SYBU: variants seen among roughly 807,000 people sequenced by gnomAD.
SYBU encodes the protein syntabulin.
Under a neutral mutation model 35.9 loss-of-function variants are expected in SYBU, and 21 were observed. The ratio of observed to expected loss-of-function variants is 0.58; its 90% CI spans 0.41 to 0.84. The LOEUF (loss-of-function observed/expected upper bound fraction) is 0.84. Ranked by LOEUF, SYBU falls within the 40% of genes least tolerant of loss-of-function variation. The probability of loss-of-function intolerance (pLI) is 0.00; values close to 1 mark genes in which losing one functional copy is unlikely to be tolerated. For synonymous variants in SYBU, 319 were observed against 324.3 expected (o/e 0.98, Z 0.18); for missense variants, 768 against 848.2 (o/e 0.91, Z 1.17).
upstream of SYBU, chr8:109,644,853 G>T: frequency 5.5e-6 from 3 of 547,964 alleles, no homozygotes; most frequent in Non-Finnish European, 9.1e-6. Flanking sequence ...ACCCCGCCCC[G>T]GCCGGACACG....
chr8:109,646,612 C>T (rs1042823157), upstream of SYBU: 7 of 152,176 alleles, frequency 4.6e-5, no homozygotes, highest in African/African-American at 1.7e-4. Flanking sequence ...ATGATTCATA[C>T]AACTTATTAT....
At chr8:109,616,471 T>A (rs1026221731) in intron 3 of SYBU, among the ~76,000 whole-genome samples, 65 of 152,144 alleles carry the variant, frequency 4.3e-4, no homozygotes, top group African/African-American at 1.4e-3. Flanking sequence ...TAACATATAA[T>A]TATTATGATT....
At chr8:109,644,840 CCG>C, upstream of SYBU, 1 of 592,792 alleles carries the variant, frequency 1.7e-6, no homozygotes, top group Non-Finnish European at 2.7e-6. Context: ...GAGGGCACGC[CCG>C]ACCCCGCCCC....
At chr8:109,690,477 G>A (rs1430629087) in intron 1 of SYBU, among the ~76,000 whole-genome samples, 2 of 152,172 alleles carry the variant, frequency 1.3e-5, no homozygotes, top group African/African-American at 4.8e-5. Flanking sequence ...TGTTATAGCT[G>A]CCCTTTGCTT....
At chr8:109,629,370 C>A (rs768592228) in intron 2 of SYBU, among the ~76,000 whole-genome samples, 1 of 152,222 alleles carries the variant, frequency 6.6e-6, no homozygotes, top group African/African-American at 2.4e-5. Context: ...AAACACAAAT[C>A]TTAACTAACT....
intron 5 of SYBU, among the ~76,000 whole-genome samples, chr8:109,578,836 AGTT>A (rs1822674752): frequency 6.6e-6 from 1 of 152,180 alleles, no homozygotes; most frequent in South Asian, 2.1e-4. Context: ...GCTGAATGCA[AGTT>A]GTTCTAAAAT....
intron 1 of SYBU, among the ~76,000 whole-genome samples, chr8:109,679,365 A>G (rs1480440838): frequency 6.6e-6 from 1 of 152,182 alleles, no homozygotes; most frequent in South Asian, 2.1e-4. Flanking sequence ...TGGAGTAGCC[A>G]TTCCTTTGTT....
At chr8:109,618,818 A>G (rs1812109155) in intron 3 of SYBU, 24 bp downstream of exon 3, 1 of 1,610,092 alleles carries the variant, frequency 6.2e-7, no homozygotes, top group East Asian at 2.2e-5. Context: ...TTCTGATGAA[A>G]ACATGACGAG....
At chr8:109,669,001 C>T (rs36000820) in intron 1 of SYBU, among the ~76,000 whole-genome samples, 1 of 152,060 alleles carries the variant, frequency 6.6e-6, no homozygotes, top group Non-Finnish European at 1.5e-5. Flanking sequence ...AAAAATTTTA[C>T]TAGACTGAAA....
intron 1 of SYBU, chr8:109,644,113 G>T (rs1477480181): frequency 2.2e-6 from 1 of 457,192 alleles, no homozygotes; most frequent in Non-Finnish European, 4.4e-6. Context: ...AAATTGAAGG[G>T]TAAACCTCAG....
intron 6 of SYBU, among the ~76,000 whole-genome samples, chr8:109,576,918 A>G (rs927600701): frequency 1.3e-5 from 2 of 152,116 alleles, no homozygotes; most frequent in Non-Finnish European, 2.9e-5. Flanking sequence ...CTGCATTCCC[A>G]TTCCTTCCTC....
chr8:109,626,805 G>A (rs1813031704), intron 2 of SYBU, among the ~76,000 whole-genome samples: 4 of 152,206 alleles, frequency 2.6e-5, no homozygotes, highest in Admixed American at 2.6e-4. Flanking sequence ...AGCGGAGGTT[G>A]CAGTGAGCCA....
chr8:109,599,478 T>C (rs1466179439), intron 3 of SYBU, among the ~76,000 whole-genome samples: 2 of 152,208 alleles, frequency 1.3e-5, no homozygotes, highest in African/African-American at 4.8e-5. Flanking sequence ...GTCAGCCTCA[T>C]AATCCATTTT....
chr8:109,586,247 C>T, intron 3 of SYBU, 85 bp from the exon 4 acceptor site: 1 of 995,658 alleles, frequency 1.0e-6, no homozygotes, highest in South Asian at 1.5e-5. Context: ...CAGGTCCCTG[C>T]TCCCTGCGTT....
upstream of SYBU, chr8:109,647,218 C>T (rs1466262918): frequency 6.6e-6 from 1 of 152,154 alleles, no homozygotes; most frequent in Non-Finnish European, 1.5e-5. Flanking sequence ...ATACTCCCTC[C>T]CCTCCCTAAC....
At position 109,575,080 on chromosome 8, in the gene SYBU, G is replaced by C. The variant is rs1294540996; in HGVS notation, c.1818C>G (p.Ser606Arg). 1 of 1,609,308 alleles carries C rather than the reference G, an allele frequency of 6.2e-7. No homozygotes were observed. Among genetic ancestry groups the C allele is most frequent in the Non-Finnish European group, 8.5e-7 (1 of 1,176,920 alleles). The change falls in exon 7 of 7, where the codon AGC (serine) becomes AGG (arginine). Residue 606 changes from serine (S) to arginine (R), a missense_variant. Coordinates refer to ENST00000276646, the MANE Select transcript of SYBU (RefSeq NM_001099754.2). ...GGVVRQYWSS[S>R]FLVDLLAVAA... ...CCACAGCCAGGAGATCCACCAGGAA[G>C]CTGCTGCTCCAGTACTGCCTCACGA... is the stretch of plus-strand genomic sequence containing the variant.
chr8:109,669,098 T>C (rs1816871595), intron 1 of SYBU, among the ~76,000 whole-genome samples: 1 of 151,888 alleles, frequency 6.6e-6, no homozygotes, highest in African/African-American at 2.4e-5. Flanking sequence ...ATCCCAGCAC[T>C]TTGGGAGGCT....
intron 2 of SYBU, among the ~76,000 whole-genome samples, chr8:109,633,988 CT>C (rs1193962926): frequency 6.6e-6 from 1 of 152,164 alleles, no homozygotes; most frequent in Non-Finnish European, 1.5e-5. Context: ...CCAGCCTCGG[CT>C]TCCCAAAGTG....
At chr8:109,671,380 G>A (rs367663556) in intron 1 of SYBU, among the ~76,000 whole-genome samples, 4 of 152,220 alleles carry the variant, frequency 2.6e-5, no homozygotes, top group African/African-American at 9.6e-5. Context: ...TTTCTCAGAT[G>A]TGTCCTCTGA....
Sources: allele counts gnomAD v4.1 joint callset (sites outside exome capture counted in the v4.1 genomes callset), GRCh38; gene constraint gnomAD v4.1.1; transcripts MANE v1.5; gene names NCBI Gene and HGNC (gene_info 2026-07-23, HGNC 2026-07-21).